Variants in DENND5A observed in about 807,000 individuals in gnomAD.
The protein encoded by DENND5A is DENN domain containing 5A.
In DENND5A, 64 loss-of-function variants were observed where a neutral mutation model predicts 140.3. The ratio of observed to expected loss-of-function variants is 0.46; its 90% confidence interval spans 0.37 to 0.56. DENND5A has a LOEUF of 0.56. Ranked by LOEUF, DENND5A falls within the 20% of genes least tolerant of loss-of-function variation. The pLI is 0.00. For missense variants in DENND5A, 1,292 were observed against 1,593.8 expected, an observed-to-expected ratio of 0.81 and a Z score of 3.22; for synonymous variants, 605 against 607.7, an observed-to-expected ratio of 1.00 and a Z score of 0.07.
intron 1 of DENND5A, among the ~76,000 whole-genome samples, chr11:9,209,246 C>A (rs1051276046): frequency 1.3e-5 from 2 of 152,158 alleles, no homozygotes; most frequent in African/African-American, 4.8e-5. Flanking sequence ...ATGGCCATAA[C>A]CACCCTAAAT....
In DENND5A at chr11:9,234,883, T is replaced by C. The variant is rs1850936616; in HGVS notation, c.110-27251A>G. 1.3e-5 allele frequency among the ~76,000 whole-genome samples: 2 copies of C among 152,160 alleles called. 1 individual carries two copies. The highest frequency in any genetic ancestry group is 1.3e-4 in the Admixed American group (2 of 15,254). On this transcript the variant is annotated intron_variant, in intron 1 of 22. Coordinates refer to ENST00000328194, the MANE Select transcript of DENND5A (RefSeq NM_015213.4). ...GTTAATAAAGGCGCGGGTAAATCTC[T>C]GTTCAAGGCTCTCAGCTCTGAAAGC...
intron 10 of DENND5A, among the ~76,000 whole-genome samples, chr11:9,169,493 A>ACG (rs1554916425): frequency 1.9e-3 from 200 of 102,958 alleles, no homozygotes; most frequent in African/African-American, 4.3e-3. Flanking sequence ...CTATATACAC[A>ACG]CGCACACACA....
intron 1 of DENND5A, among the ~76,000 whole-genome samples, chr11:9,232,193 GATATA>G (rs1850800785): frequency 6.6e-6 from 1 of 151,904 alleles, no homozygotes; most frequent in Non-Finnish European, 1.5e-5. Flanking sequence ...CAATAACAAA[GATATA>G]AAATGCACTA....
intron 1 of DENND5A, among the ~76,000 whole-genome samples, chr11:9,250,394 T>G (rs1456564498): frequency 6.6e-6 from 1 of 152,116 alleles, no homozygotes; most frequent in African/African-American, 2.4e-5. Context: ...ACCACAATTC[T>G]GAAAACAAGC....
At chr11:9,155,686 T>A (rs1847778622) in intron 12 of DENND5A, among the ~76,000 whole-genome samples, 1 of 152,214 alleles carries the variant, frequency 6.6e-6, no homozygotes, top group African/African-American at 2.4e-5. Context: ...GCAAGAAAGA[T>A]AAGTAACAAC....
At chr11:9,169,493 A>G (rs369441408) in intron 10 of DENND5A, among the ~76,000 whole-genome samples, 2 of 102,958 alleles carry the variant, frequency 1.9e-5, no homozygotes, top group South Asian at 8.2e-4. Flanking sequence ...CTATATACAC[A>G]CGCACACACA....
chr11:9,203,464 G>T, intron 4 of DENND5A, 196 bp downstream of exon 4: 1 of 564,660 alleles, frequency 1.8e-6, no homozygotes, highest in Non-Finnish European at 3.1e-6. Flanking sequence ...CCCAGCAAAA[G>T]GCCATGAAGA....
At chr11:9,236,752 A>T (rs1052937852) in intron 1 of DENND5A, among the ~76,000 whole-genome samples, 4 of 151,470 alleles carry the variant, frequency 2.6e-5, no homozygotes, top group African/African-American at 9.7e-5. Context: ...AAAGGAAGAG[A>T]GAGTGAGAGC....
chr11:9,163,229 C>T (rs1341386339), intron 11 of DENND5A, among the ~76,000 whole-genome samples: 1 of 152,110 alleles, frequency 6.6e-6, no homozygotes, highest in African/African-American at 2.4e-5. Flanking sequence ...TTGGGACATG[C>T]TCCAAAAGTT....
chr11:9,203,401 C>A, intron 4 of DENND5A: 1 of 376,148 alleles, frequency 2.7e-6, no homozygotes. Flanking sequence ...CCCCTCTTTT[C>A]ACTTCAATCA....
At chr11:9,139,890 G>C in intron 22 of DENND5A, 36 bp from the exon 23 acceptor site, 5 of 1,599,644 alleles carry the variant, frequency 3.1e-6, no homozygotes, top group Non-Finnish European at 3.4e-6. Context: ...AGGTCAGAGG[G>C]GCAAAGGAAA....
At chr11:9,260,305 T>C (rs1852140903) in intron 1 of DENND5A, among the ~76,000 whole-genome samples, 1 of 152,094 alleles carries the variant, frequency 6.6e-6, no homozygotes, top group Admixed American at 6.6e-5. Flanking sequence ...GGAACCTTAA[T>C]TCTCAAGCAG....
intron 1 of DENND5A, among the ~76,000 whole-genome samples, chr11:9,259,510 G>A (rs1191791081): frequency 6.6e-6 from 1 of 152,096 alleles, no homozygotes; most frequent in Non-Finnish European, 1.5e-5. Flanking sequence ...AGTTTGCAGT[G>A]AGCCGAGATC....
rs1021887415 is a variant in DENND5A at position 9,138,975 on chromosome 11, C to T, written c.*696G>A. 9 of 152,084 alleles carry T rather than the reference C, an allele frequency of 5.9e-5. No individual in the cohort carries two copies. Among genetic ancestry groups the T allele is most frequent in the African/African-American group, 2.2e-4 (9 of 41,294 alleles). 9.4% of individuals were successfully genotyped at this position (152,084 alleles called of 1,614,324 possible). ...GAAAATACTTAAAAACACACAATGG[C>T]GGGTTAAATAAATAAAACATTTTAA... On this transcript the variant is annotated 3_prime_UTR_variant, in exon 23 of 23. Coordinates refer to ENST00000328194, the MANE Select transcript of DENND5A (RefSeq NM_015213.4).
chr11:9,230,127 T>C (rs562131369), intron 1 of DENND5A, among the ~76,000 whole-genome samples: 128 of 151,296 alleles, frequency 8.5e-4, no homozygotes, highest in Non-Finnish European at 1.7e-3. Flanking sequence ...GCCAGGATGG[T>C]CTCGATCTCC....
intron 1 of DENND5A, among the ~76,000 whole-genome samples, chr11:9,258,488 G>A (rs1431197297): frequency 6.6e-6 from 1 of 152,116 alleles, no homozygotes; most frequent in Non-Finnish European, 1.5e-5. Flanking sequence ...AGTATTCCAT[G>A]ATGTGTATGT....
At chr11:9,187,986 T>G (rs1396668521) in intron 5 of DENND5A, among the ~76,000 whole-genome samples, 1 of 152,176 alleles carries the variant, frequency 6.6e-6, no homozygotes, top group East Asian at 1.9e-4. Flanking sequence ...TTGCCCCACC[T>G]CACTACCCTG....
chr11:9,178,201 G>C lies in DENND5A; in HGVS notation c.1837C>G (p.Leu613Val), dbSNP rs1848608786. The change falls in exon 8 of 23, where the codon CTG becomes GTG. Residue 613 changes from leucine to valine, a missense_variant. Transcript: ENST00000328194. ...VFDSRVDKIR[L>V]LNVRTPTLRT... ...AGAGTAGGTGTCCGAACATTCAACA[G>C]CCTGATCTTGTCAACTCGGGAATCA... 1 of 1,614,000 alleles carries C rather than the reference G, an allele frequency of 6.2e-7. No individual in the cohort carries two copies. The highest frequency in any genetic ancestry group is 8.5e-7 in the Non-Finnish European group (1 of 1,179,996).
chr11:9,150,714 G>C lies in DENND5A; in HGVS notation c.2572C>G (p.Pro858Ala). ...RRKSDASSLM[P>A]PLRISLIQDM... ...TGAATCAGGGAGATCCTCAGGGGAGGCATGAGTGAGCTGGCATCAGACTTC... is the reference window on the plus strand; with the variant it reads ...TGAATCAGGGAGATCCTCAGGGGAGCCATGAGTGAGCTGGCATCAGACTTC... Residue 858 changes from proline (P) to alanine (A), a missense_variant, in exon 14 of 23, where the codon CCT becomes GCT. This residue lies in a region of DENND5A where 498 missense variants were observed against 689.7 expected (regional missense o/e 0.72). Coordinates refer to ENST00000328194, the MANE Select transcript of DENND5A (RefSeq NM_015213.4). 6.2e-7 allele frequency: 1 copy of C among 1,613,418 alleles called. No homozygotes were observed. Among genetic ancestry groups the C allele is most frequent in the South Asian group, 1.1e-5 (1 of 91,026 alleles).
Sources: gnomAD v4.1 joint callset for allele counts (sites outside exome capture counted in the v4.1 genomes callset) on GRCh38, gnomAD v4.1.1 for gene constraint, gnomAD v4.1.1 regional missense constraint, MANE v1.5 for transcripts, NCBI Gene and HGNC (gene_info 2026-07-23, HGNC 2026-07-21) for gene names.